Variants in TENM3 observed in about 807,000 individuals in gnomAD.
TENM3 encodes teneurin transmembrane protein 3.
Under a neutral mutation model 255.1 loss-of-function variants are expected in TENM3, and 63 were observed. That is an observed-to-expected ratio of 0.25 (90% CI 0.20 to 0.30). The LOEUF (loss-of-function observed/expected upper bound fraction) is 0.30. Ranked by LOEUF, TENM3 falls within the 10% of genes least tolerant of loss-of-function variation. TENM3 has a pLI of 1.00. For missense variants in TENM3, 2,929 were observed against 3,461.1 expected (o/e 0.85, Z 3.86); for synonymous variants, 1,306 against 1,322.3 (o/e 0.99, Z 0.27).
the TENM3 span, among the ~76,000 whole-genome samples, chr4:181,532,530 A>G: frequency 6.6e-6 from 1 of 152,184 alleles, no homozygotes; most frequent in Non-Finnish European, 1.5e-5. Flanking sequence ...TCAATAGCAA[A>G]TGGCGTTTCG....
At chr4:182,178,688 TA>T (rs1289074641) in intron 1 of TENM3, among the ~76,000 whole-genome samples, 3 of 151,990 alleles carry the variant, frequency 2.0e-5, no homozygotes, top group African/African-American at 7.3e-5. Flanking sequence ...AATTGTTTCT[TA>T]AAAAAATAAA....
intron 3 of TENM3, among the ~76,000 whole-genome samples, chr4:182,510,046 T>A (rs1313226119): frequency 6.6e-6 from 1 of 152,018 alleles, no homozygotes; most frequent in African/African-American, 2.4e-5. Flanking sequence ...GAAACAGAAA[T>A]TCACACTGTC....
the TENM3 span, among the ~76,000 whole-genome samples, chr4:181,538,253 A>G: frequency 2.6e-5 from 4 of 152,168 alleles, no homozygotes; most frequent in African/African-American, 9.7e-5. Context: ...TCACAATACG[A>G]TCGGTACTTG....
chr4:182,740,114 A>G (rs574879088), intron 18 of TENM3, among the ~76,000 whole-genome samples: 1 of 152,328 alleles, frequency 6.6e-6, no homozygotes, highest in Admixed American at 6.5e-5. Context: ...GTAAGGAAAA[A>G]CAAACAAAAA....
Position 182,729,079 on chromosome 4 carries a change from C to T in TENM3, c.2483C>T (p.Ser828Leu). Residue 828 changes from serine (S) to leucine (L), a missense_variant, in exon 14 of 28, where the codon TCG (serine) becomes TTG (leucine). Physicochemically the swap from Ser to Leu is moderately radical, Grantham distance 145. This residue lies in a region of TENM3 where 1,608 missense variants were observed against 1,884.4 expected (regional missense o/e 0.85). Transcript: ENST00000511685. ...PQDIISQSLQ[S>L]PSQQAAKSFY... ...GACATCATTAGCCAAAGCCTTCAAT[C>T]GCCTTCTCAGCAAGCTGCCAAATCC... 3 of 1,614,034 alleles carry T rather than the reference C, an allele frequency of 1.9e-6. No homozygotes were observed. Among genetic ancestry groups the T allele is most frequent in the East Asian group, 2.2e-5 (1 of 44,878 alleles).
At chr4:181,787,165 C>G in the TENM3 span, among the ~76,000 whole-genome samples, 2 of 152,286 alleles carry the variant, frequency 1.3e-5, no homozygotes, top group South Asian at 2.1e-4. Context: ...TCCACCCCCT[C>G]TGGTTTGAAT....
At chr4:182,249,896 G>C (rs1174677014) in intron 1 of TENM3, among the ~76,000 whole-genome samples, 2 of 151,934 alleles carry the variant, frequency 1.3e-5, no homozygotes, top group Non-Finnish European at 2.9e-5. Context: ...CCGAGTAGCT[G>C]AGACTACAAG....
chr4:181,910,592 A>G, the TENM3 span, among the ~76,000 whole-genome samples: 529 of 17,082 alleles, frequency 0.031, 4 homozygotes, highest in Middle Eastern at 0.1. Context: ...ATGTATTTGT[A>G]TATATATATA....
chr4:182,156,087 G>A (rs1427512278), intron 1 of TENM3, among the ~76,000 whole-genome samples: 1 of 150,456 alleles, frequency 6.6e-6, no homozygotes, highest in Admixed American at 6.6e-5. Context: ...ATGAATGTTG[G>A]TGATAGAGGA....
chr4:181,876,316 G>A, the TENM3 span, among the ~76,000 whole-genome samples: 1 of 152,064 alleles, frequency 6.6e-6, no homozygotes, highest in Non-Finnish European at 1.5e-5. Flanking sequence ...ACTATTTATA[G>A]CCTATTTAAT....
the TENM3 span, chr4:181,906,149 G>T: frequency 3.6e-6 from 1 of 281,346 alleles, no homozygotes; most frequent in Admixed American, 5.1e-5. Context: ...TGTATAAACA[G>T]TAAGCAGCCA....
At chr4:182,743,465 C>A in intron 19 of TENM3, 46 bp downstream of exon 19, 1 of 1,587,128 alleles carries the variant, frequency 6.3e-7, no homozygotes, top group Non-Finnish European at 8.6e-7. Flanking sequence ...CTAAACGTGC[C>A]TCTTTAAAAA....
chr4:182,442,903 T>G (rs939379537), intron 3 of TENM3, among the ~76,000 whole-genome samples: 1 of 151,990 alleles, frequency 6.6e-6, no homozygotes, highest in East Asian at 1.9e-4. Flanking sequence ...TGGGTTCTTT[T>G]CTGTAGAGAT....
intron 3 of TENM3, among the ~76,000 whole-genome samples, chr4:182,367,531 AG>A (rs1333591489): frequency 1.3e-5 from 2 of 152,178 alleles, no homozygotes; most frequent in Admixed American, 1.3e-4. Context: ...ATAGAGTAGA[AG>A]GAACAAGTGG....
At chr4:181,832,907 C>T in the TENM3 span, among the ~76,000 whole-genome samples, 1 of 152,122 alleles carries the variant, frequency 6.6e-6, no homozygotes, top group Non-Finnish European at 1.5e-5. Flanking sequence ...AAGGACCGTG[C>T]TCCAGAAGAT....
At chr4:182,277,892 A>G (rs1418120715) in intron 1 of TENM3, among the ~76,000 whole-genome samples, 3 of 152,226 alleles carry the variant, frequency 2.0e-5, no homozygotes, top group South Asian at 2.1e-4. Context: ...ACTTAGATAT[A>G]CTTAGATAAC....
At chr4:182,400,926 A>G (rs781320758) in intron 3 of TENM3, among the ~76,000 whole-genome samples, 2 of 152,220 alleles carry the variant, frequency 1.3e-5, no homozygotes, top group African/African-American at 2.4e-5. Flanking sequence ...AAGGCAAGGC[A>G]TTGCCAGCTT....
chr4:182,185,729 A>G (rs1753110420), intron 1 of TENM3, among the ~76,000 whole-genome samples: 2 of 152,214 alleles, frequency 1.3e-5, no homozygotes, highest in South Asian at 4.1e-4. Flanking sequence ...AGCTGACTTT[A>G]AGGCAATTTC....
chr4:182,566,851 G>C (rs1475038704), intron 3 of TENM3, among the ~76,000 whole-genome samples: 1 of 152,074 alleles, frequency 6.6e-6, no homozygotes, highest in Non-Finnish European at 1.5e-5. Context: ...GTGTTTGCCA[G>C]GCCACTGTTC....
Sources: allele counts gnomAD v4.1 joint callset (sites outside exome capture counted in the v4.1 genomes callset), GRCh38; gene constraint gnomAD v4.1.1; regional missense constraint gnomAD v4.1.1; transcripts MANE v1.5; gene names NCBI Gene and HGNC (gene_info 2026-07-23, HGNC 2026-07-21).